The following GNE variants were observed in gnomAD, a reference collection of about 807,000 sequenced individuals.
GNE encodes the protein glucosamine (UDP-N-acetyl)-2-epimerase/N-acetylmannosamine kinase.
In GNE, 41 loss-of-function variants were observed where a neutral mutation model predicts 61.8. The ratio of observed to expected loss-of-function variants is 0.66; its 90% CI spans 0.52 to 0.86. The LOEUF is 0.86. Among genes scored for constraint, GNE ranks in the 40% least tolerant of loss-of-function variants. The pLI, the probability that GNE is intolerant of heterozygous loss-of-function variation, is 0.00. For missense variants in GNE, 608 were observed against 909.1 expected (o/e 0.67, Z 4.26); for synonymous variants, 264 against 326.4 (o/e 0.81, Z 2.06).
intron 1 of GNE, among the ~76,000 whole-genome samples, chr9:36,272,620 C>CAAAAAAAAA (rs58934783): frequency 1.3e-5 from 1 of 74,114 alleles, no homozygotes. Flanking sequence ...GACTCCGCCT[C>CAAAAAAAAA]AAAAAAAAAA....
chr9:36,231,970 C>T (rs143671808), intron 5 of GNE, among the ~76,000 whole-genome samples: 145 of 152,264 alleles, frequency 9.5e-4, no homozygotes, highest in African/African-American at 2.9e-3. Context: ...GTCCCCATAT[C>T]GCTGCCCAAT....
intron 4 of GNE, among the ~76,000 whole-genome samples, chr9:36,236,351 C>A (rs1020302857): frequency 9.2e-5 from 14 of 152,148 alleles, no homozygotes; most frequent in African/African-American, 3.1e-4. Flanking sequence ...CAGGTGCCCA[C>A]CACTGTGGCT....
Position 36,217,343 on chromosome 9 carries a change from G to C in GNE, c.*22C>G. The C allele has an allele frequency of 2.0e-6, 3 of 1,476,880 alleles. No individual in the cohort carries two copies. Among genetic ancestry groups the C allele is most frequent in the Non-Finnish European group, 2.8e-6 (3 of 1,056,626 alleles). 91.5% of individuals were successfully genotyped at this position (1,476,880 alleles called of 1,614,324 possible). ...TCCACTCAGGAGCTCTGGAGAGAAG[G>C]TCCATGTCTGTTCCTGGAGGTCTAG... On this transcript the variant is annotated 3_prime_UTR_variant, in exon 12 of 12. Coordinates refer to ENST00000642385, the MANE Select transcript of GNE (RefSeq NM_005476.7).
At chr9:36,254,205 AAAATAAAT>A (rs60990459) in intron 1 of GNE, among the ~76,000 whole-genome samples, 7 of 144,764 alleles carry the variant, frequency 4.8e-5, no homozygotes, top group African/African-American at 7.8e-5. Flanking sequence ...ACTTTGTCTC[AAAATAAAT>A]AAATAAATAA....
intron 1 of GNE, among the ~76,000 whole-genome samples, chr9:36,254,721 G>GA (rs1830258559): frequency 6.6e-6 from 1 of 152,166 alleles, no homozygotes; most frequent in Non-Finnish European, 1.5e-5. Flanking sequence ...GGAGGACGAG[G>GA]CGGGCGGATC....
chr9:36,237,207 T>A (rs1829430631), intron 3 of GNE, among the ~76,000 whole-genome samples: 1 of 152,210 alleles, frequency 6.6e-6, no homozygotes, highest in African/African-American at 2.4e-5. Flanking sequence ...AAAGACATGC[T>A]GCCACAAACA....
chr9:36,236,928 C>T lies in GNE; in HGVS notation c.673G>A (p.Asp225Asn), dbSNP rs121908630. Residue 225 changes from aspartate to asparagine, a missense_variant, in exon 4 of 12, where the codon GAC (aspartate) becomes AAC (asparagine). Coordinates refer to ENST00000642385, the MANE Select transcript of GNE (RefSeq NM_005476.7). ...AACATTTTTATGGAATGCTTAATGT[C>T]AGTGGTCACAGGGTGCTGTAGTGCA... ...IVALQHPVTT[D>N]IKHSIKMFEL... is the part of the protein sequence containing the mutation. The T allele has an allele frequency of 4.3e-6, 7 of 1,610,818 alleles. No homozygotes were observed. In the African/African-American group the frequency reaches 9.4e-5, roughly 22 times the overall value.
At chr9:36,258,148 T>A (rs1334002402) in intron 1 of GNE, among the ~76,000 whole-genome samples, 173 bp downstream of exon 1, 2 of 152,076 alleles carry the variant, frequency 1.3e-5, no homozygotes, top group Non-Finnish European at 2.9e-5. Context: ...AGAGGTGCCC[T>A]ATGGTGAGGC....
chr9:36,261,691 C>T (rs992771931), upstream of GNE, among the ~76,000 whole-genome samples: 1 of 151,334 alleles, frequency 6.6e-6, no homozygotes, highest in African/African-American at 2.4e-5. Context: ...GAGGCCGAGG[C>T]GGGTGGATCA....
At chr9:36,271,894 A>C (rs1262637910) in intron 1 of GNE, among the ~76,000 whole-genome samples, 3 of 152,132 alleles carry the variant, frequency 2.0e-5, no homozygotes, top group Non-Finnish European at 4.4e-5. Flanking sequence ...AGTTCCTTGA[A>C]TCATACCTTA....
At chr9:36,268,932 C>A (rs1830910491) in intron 1 of GNE, among the ~76,000 whole-genome samples, 1 of 152,038 alleles carries the variant, frequency 6.6e-6, no homozygotes, top group Admixed American at 6.6e-5. Flanking sequence ...GAGTTCAAGA[C>A]CAGCCTGGCC....
intron 1 of GNE, among the ~76,000 whole-genome samples, chr9:36,266,962 A>C (rs1318172574): frequency 6.6e-6 from 1 of 152,056 alleles, no homozygotes; most frequent in African/African-American, 2.4e-5. Flanking sequence ...GCTACTCGGG[A>C]GGCTGAGGCA....
At chr9:36,248,496 G>A (rs1030704344) in intron 2 of GNE, among the ~76,000 whole-genome samples, 1 of 125,440 alleles carries the variant, frequency 8.0e-6, no homozygotes, top group African/African-American at 3.0e-5. Flanking sequence ...TTTTTTTTTT[G>A]TATTTTTCGT....
intron 9 of GNE, among the ~76,000 whole-genome samples, chr9:36,221,250 G>A (rs796356318): frequency 3.7e-4 from 57 of 152,282 alleles, no homozygotes; most frequent in African/African-American, 1.3e-3. Context: ...GAATCTGGGA[G>A]GCAGTGAGCT....
Position 36,217,461 on chromosome 9 carries a change from C to T in GNE, c.2073G>A (p.Val691=), listed in dbSNP as rs760445653. The change falls in exon 12 of 12, where the codon GTG becomes GTA. Residue 691 remains valine (V), a synonymous_variant. Coordinates refer to ENST00000642385, the MANE Select transcript of GNE (RefSeq NM_005476.7). The part of the protein sequence containing the change: ...DVIRQQALSS[V]QDVDVVVSDL... ...CCGAAACCACCACATCCACGTCCTGCACGGAGGACAAGGCCTGCTGGCGAA... is the reference window on the plus strand; with the variant it reads ...CCGAAACCACCACATCCACGTCCTGTACGGAGGACAAGGCCTGCTGGCGAA... 6.2e-7 allele frequency: 1 copy of T among 1,614,154 alleles called. No homozygotes were observed. Among genetic ancestry groups the T allele is most frequent in the Non-Finnish European group, 8.5e-7 (1 of 1,180,034 alleles).
At position 36,218,037 on chromosome 9, in the gene GNE, C is replaced by T; in HGVS notation, c.1933+146G>A. 1 of 762,998 alleles carries T rather than the reference C, an allele frequency of 1.3e-6. No individual in the cohort carries two copies. The allele number at this position is 762,998 out of a possible 1,614,324, so 47.3% of individuals were successfully genotyped here. On this transcript the variant is annotated intron_variant, in intron 11 of 11. Coordinates refer to ENST00000642385, the MANE Select transcript of GNE (RefSeq NM_005476.7). This position sits in a 1 kb window ranked among gnomAD's most constrained non-coding sequence, Gnocchi z 4.1. ...ACCTTGAATCCAATTCCCTTTTTAC[C>T]TCTGAGTAATTAGGAAAGAAACCTC...
chr9:36,251,528 A>AC (rs1418676728), intron 1 of GNE, among the ~76,000 whole-genome samples: 1 of 151,814 alleles, frequency 6.6e-6, no homozygotes, highest in African/African-American at 2.4e-5. Context: ...GGCTCAAGCA[A>AC]CCCCCCCACC....
At chr9:36,236,489 C>T (rs1440379432) in intron 4 of GNE, among the ~76,000 whole-genome samples, 10 of 152,170 alleles carry the variant, frequency 6.6e-5, no homozygotes, top group African/African-American at 2.4e-4. Flanking sequence ...CATGAGCCAC[C>T]GTGCCCGACC....
chr9:36,227,907 C>T (rs1430839693), intron 6 of GNE, among the ~76,000 whole-genome samples: 1 of 151,680 alleles, frequency 6.6e-6, no homozygotes, highest in Non-Finnish European at 1.5e-5. Context: ...GTTGTGGGTG[C>T]CTGTAATCCC....
Sources: gnomAD v4.1 joint callset for allele counts (sites outside exome capture counted in the v4.1 genomes callset) on GRCh38, gnomAD v4.1.1 for gene constraint, Gnocchi (gnomAD v3.1) non-coding constraint, MANE v1.5 for transcripts, NCBI Gene and HGNC (gene_info 2026-07-23, HGNC 2026-07-21) for gene names.